Variants in PPP2R2C observed in about 807,000 individuals in gnomAD.
The protein encoded by PPP2R2C is protein phosphatase 2, regulatory subunit B, gamma.
PPP2R2C carries 10 observed loss-of-function variants against 45.3 expected under a neutral mutation model. That is an observed-to-expected ratio of 0.22 (90% CI 0.14 to 0.37). PPP2R2C has a LOEUF of 0.37. PPP2R2C is among the 10% of genes least tolerant of loss of function. The probability of loss-of-function intolerance (pLI) is 1.00; values close to 1 mark genes in which losing one functional copy is unlikely to be tolerated. For missense variants in PPP2R2C, 308 were observed against 619.7 expected (o/e 0.50, Z 5.34); for synonymous variants, 257 against 245.4 (o/e 1.05, Z -0.44).
intron 1 of PPP2R2C, among the ~76,000 whole-genome samples, chr4:6,551,806 G>A (rs766321107): frequency 1.3e-5 from 2 of 152,210 alleles, no homozygotes; most frequent in Non-Finnish European, 2.9e-5. Flanking sequence ...TCCTCCAGCT[G>A]AACACCAACA....
intron 1 of PPP2R2C, among the ~76,000 whole-genome samples, chr4:6,440,694 TG>T (rs984467274): frequency 1.3e-5 from 2 of 152,224 alleles, no homozygotes; most frequent in African/African-American, 4.8e-5. Flanking sequence ...CCTCCCTGAC[TG>T]GCACGTCTCA....
At chr4:6,398,795 G>A (rs1185246894) in intron 1 of PPP2R2C, among the ~76,000 whole-genome samples, 1 of 152,216 alleles carries the variant, frequency 6.6e-6, no homozygotes, top group East Asian at 1.9e-4. Flanking sequence ...ATACGTACGT[G>A]TTCATAGCAG....
intron 1 of PPP2R2C, among the ~76,000 whole-genome samples, chr4:6,538,274 C>T (rs997861912): frequency 1.1e-4 from 17 of 152,126 alleles, no homozygotes; most frequent in African/African-American, 3.6e-4. Context: ...GAATCAAACC[C>T]AGATTCCCCT....
chr4:6,497,730 A>C (rs1030189386), intron 2 of PPP2R2C, among the ~76,000 whole-genome samples: 1 of 152,238 alleles, frequency 6.6e-6, no homozygotes, highest in Non-Finnish European at 1.5e-5. Context: ...TGCATTTGCC[A>C]CAGCTAAAAT....
At chr4:6,561,846 G>A (rs190953367) in intron 1 of PPP2R2C, among the ~76,000 whole-genome samples, 4 of 152,204 alleles carry the variant, frequency 2.6e-5, no homozygotes, top group South Asian at 2.1e-4. Context: ...GTTCTACATC[G>A]AGCCTGCCTA....
At chr4:6,394,823 G>A (rs1716909688) in intron 1 of PPP2R2C, among the ~76,000 whole-genome samples, 1 of 152,232 alleles carries the variant, frequency 6.6e-6, no homozygotes. Flanking sequence ...GGGCCAAACT[G>A]GCCTGGTGAC....
chr4:6,363,184 G>T (rs1392950605), intron 5 of PPP2R2C, among the ~76,000 whole-genome samples: 1 of 152,226 alleles, frequency 6.6e-6, no homozygotes, highest in Non-Finnish European at 1.5e-5. Context: ...GCCTGGCCTT[G>T]TGAAGGCCCC....
chr4:6,410,841 TTTTATTTA>T (rs148453274), intron 1 of PPP2R2C, among the ~76,000 whole-genome samples: 3,167 of 140,334 alleles, frequency 0.023, 53 homozygotes, highest in Middle Eastern at 0.057. Context: ...ATTCCCCCTG[TTTTATTTA>T]TTTATTTATT....
chr4:6,346,535 A>G (rs1314620904), intron 6 of PPP2R2C, among the ~76,000 whole-genome samples: 1 of 152,112 alleles, frequency 6.6e-6, no homozygotes, highest in African/African-American at 2.4e-5. Flanking sequence ...TCTCCCCCGC[A>G]GACGCCAGCT....
At chr4:6,466,782 G>C (rs1721618908) in intron 1 of PPP2R2C, among the ~76,000 whole-genome samples, 1 of 152,146 alleles carries the variant, frequency 6.6e-6, no homozygotes, top group South Asian at 2.1e-4. Flanking sequence ...AGATGGAGTG[G>C]AAAAATTTTA....
intron 1 of PPP2R2C, among the ~76,000 whole-genome samples, chr4:6,415,315 G>A (rs1718501529): frequency 6.6e-6 from 1 of 152,162 alleles, no homozygotes; most frequent in Non-Finnish European, 1.5e-5. Context: ...CAATCCATTT[G>A]CATTTGGCAG....
chr4:6,415,058 A>G (rs1170978542), intron 1 of PPP2R2C, among the ~76,000 whole-genome samples: 1 of 152,270 alleles, frequency 6.6e-6, no homozygotes, highest in Non-Finnish European at 1.5e-5. Flanking sequence ...ACACAGGGCC[A>G]TGGAATGCCA....
At chr4:6,441,648 C>A (rs1045042039) in intron 1 of PPP2R2C, among the ~76,000 whole-genome samples, 2 of 152,230 alleles carry the variant, frequency 1.3e-5, no homozygotes, top group Non-Finnish European at 2.9e-5. Context: ...CTCATCCATG[C>A]CCAGATCCGA....
chr4:6,499,640 G>C (rs1305430168), intron 2 of PPP2R2C, among the ~76,000 whole-genome samples: 2 of 152,056 alleles, frequency 1.3e-5, no homozygotes, highest in East Asian at 3.9e-4. Context: ...TAAAGCAGGA[G>C]GAGATGATTT....
intron 2 of PPP2R2C, among the ~76,000 whole-genome samples, chr4:6,533,499 C>T (rs1156667606): frequency 6.6e-6 from 1 of 152,166 alleles, no homozygotes; most frequent in Non-Finnish European, 1.5e-5. Flanking sequence ...TACCCACAGC[C>T]CCGATACCAG....
intron 1 of PPP2R2C, among the ~76,000 whole-genome samples, chr4:6,550,559 A>G (rs1486195307): frequency 6.6e-6 from 1 of 152,038 alleles, no homozygotes; most frequent in Non-Finnish European, 1.5e-5. Flanking sequence ...GCACAGACAG[A>G]CCTGGCCCCT....
intron 6 of PPP2R2C, among the ~76,000 whole-genome samples, chr4:6,339,725 G>A (rs1173543052): frequency 6.6e-6 from 1 of 152,218 alleles, no homozygotes; most frequent in Non-Finnish European, 1.5e-5. Flanking sequence ...TGGGAAACAT[G>A]GGAGGAGGTG....
chr4:6,345,697 T>C lies in PPP2R2C; in HGVS notation c.790+2149A>G, dbSNP rs1304809747. Among the ~76,000 whole-genome samples the C allele has an allele frequency of 6.6e-6, 1 of 152,090 alleles. No homozygotes were observed. Among genetic ancestry groups the C allele is most frequent in the Admixed American group, 6.5e-5 (1 of 15,280 alleles). ...AAGGTACCAGCCCGTGGCACCTTCA[T>C]TATGGCCAGTGAGCTGGCTGTGGGA... On this transcript the variant is annotated intron_variant, in intron 6 of 8. Coordinates refer to ENST00000382599, the MANE Select transcript of PPP2R2C (RefSeq NM_020416.4). This position sits in a 1 kb window ranked among gnomAD's most constrained non-coding sequence, Gnocchi z 5.3.
intron 1 of PPP2R2C, among the ~76,000 whole-genome samples, chr4:6,418,909 G>A (rs142692729): frequency 2.1e-3 from 321 of 152,298 alleles, no homozygotes; most frequent in African/African-American, 6.3e-3. Flanking sequence ...CAGACAGTAG[G>A]CCTGGGCACA....
Sources: gnomAD v4.1 joint callset for allele counts (sites outside exome capture counted in the v4.1 genomes callset) on GRCh38, gnomAD v4.1.1 for gene constraint, Gnocchi (gnomAD v3.1) non-coding constraint, MANE v1.5 for transcripts, NCBI Gene and HGNC (gene_info 2026-07-23, HGNC 2026-07-21) for gene names.